The following ITPR1 variants were observed in gnomAD, a reference collection of about 807,000 sequenced individuals.
ITPR1 encodes inositol 1,4,5-trisphosphate receptor type 1, also known as inositol 1,4,5-trisphosphate-gated calcium channel ITPR1.
In ITPR1, 96 loss-of-function variants were observed where a neutral mutation model predicts 318.4. That is an observed-to-expected ratio of 0.30 (90% CI 0.26 to 0.36). ITPR1 has a LOEUF of 0.36. Ranked by LOEUF, ITPR1 falls within the 10% of genes least tolerant of loss-of-function variation. The pLI, the probability that ITPR1 is intolerant of heterozygous loss-of-function variation, is 1.00. For synonymous variants in ITPR1, 1,312 were observed against 1,289.9 expected, an observed-to-expected ratio of 1.02 and a Z score of -0.37; for missense variants, 2,440 against 3,460.2, an observed-to-expected ratio of 0.71 and a Z score of 7.40.
In ITPR1 at chr3:4,846,344, C is replaced by T; in HGVS notation, c.*119C>T. On this transcript the variant is annotated 3_prime_UTR_variant, in exon 62 of 62. Transcript: ENST00000649015. ...TATGCTGAATACATTTGTAAATACT[C>T]AGTTTTATACTGTATGTATATGATT... 1 of 613,144 alleles carries T rather than the reference C, an allele frequency of 1.6e-6. No individual in the cohort carries two copies. Among genetic ancestry groups the T allele is most frequent in the South Asian group, 2.3e-5 (1 of 43,962 alleles). The allele number at this position is 613,144 out of a possible 1,614,324, so 38.0% of individuals were successfully genotyped here.
chr3:4,566,714 T>G (rs2087321377), intron 4 of ITPR1, among the ~76,000 whole-genome samples: 2 of 152,016 alleles, frequency 1.3e-5, no homozygotes, highest in Non-Finnish European at 2.9e-5. Context: ...GATTCTTTCC[T>G]CCACCTTCCC....
intron 4 of ITPR1, among the ~76,000 whole-genome samples, chr3:4,552,103 ACAAACT>A (rs2085627071): frequency 2.0e-5 from 3 of 152,236 alleles, no homozygotes; most frequent in Admixed American, 1.3e-4. Flanking sequence ...GTGGAAAAAA[ACAAACT>A]CAAAGTGCTT....
At chr3:4,726,590 A>G (rs189949791) in intron 41 of ITPR1, among the ~76,000 whole-genome samples, 19 of 152,324 alleles carry the variant, frequency 1.2e-4, no homozygotes, top group East Asian at 1.2e-3. Flanking sequence ...TGCAGTGTCT[A>G]TGTTTTCTAA....
In ITPR1 at chr3:4,520,382, T is replaced by C. The variant is rs547775656; in HGVS notation, c.93-642T>C. 2.0e-5 allele frequency among the ~76,000 whole-genome samples: 3 copies of C among 152,360 alleles called. No individual in the cohort carries two copies. In the South Asian group the frequency reaches 6.2e-4, roughly 32 times the overall value. ...TTGTACTTTCCCCACTAGTTGCTTT[T>C]GATGCTCCACAGTCCTTTCATATCT... On this transcript the variant is annotated intron_variant, in intron 3 of 61. Transcript: ENST00000649015.
intron 3 of ITPR1, among the ~76,000 whole-genome samples, chr3:4,518,036 G>T (rs1431807487): frequency 6.6e-6 from 1 of 152,176 alleles, no homozygotes; most frequent in Non-Finnish European, 1.5e-5. Flanking sequence ...CTTCAGAGAG[G>T]CAAAGTCACT....
chr3:4,805,551 G>A (rs1044075471), intron 54 of ITPR1, among the ~76,000 whole-genome samples: 1 of 152,088 alleles, frequency 6.6e-6, no homozygotes, highest in Non-Finnish European at 1.5e-5. Context: ...GAGAGGGCAG[G>A]GGAATAGAAC....
chr3:4,768,306 A>G, intron 45 of ITPR1: 7 of 534,306 alleles, frequency 1.3e-5, no homozygotes, highest in Non-Finnish European at 2.0e-5. Context: ...GTGAAATGGT[A>G]GATCCACAAG....
At chr3:4,841,798 A>G (rs1156812802) in intron 61 of ITPR1, among the ~76,000 whole-genome samples, 1 of 152,196 alleles carries the variant, frequency 6.6e-6, no homozygotes, top group Non-Finnish European at 1.5e-5. Context: ...AGAGAAACAG[A>G]GCATTTGAGA....
At position 4,616,376 on chromosome 3, in the gene ITPR1, A is replaced by T. The variant is rs562464611; in HGVS notation, c.164-11387A>T. Among the ~76,000 whole-genome samples, 8 of 152,306 alleles carry T rather than the reference A, an allele frequency of 5.3e-5. No individual in the cohort carries two copies. The South Asian group carries it at 1.2e-3, about 24-fold the overall frequency. On this transcript the variant is annotated intron_variant, in intron 4 of 61. Transcript: ENST00000649015. ...TATTTTATATTCCCCTCTCATTACT[A>T]CTTTTAAATCTTAACCCCCTTGGTG...
intron 46 of ITPR1, among the ~76,000 whole-genome samples, chr3:4,773,091 C>T (rs375041360): frequency 3.9e-5 from 6 of 152,354 alleles, no homozygotes; most frequent in East Asian, 3.9e-4. Flanking sequence ...GTGAGTTGAT[C>T]GGTCCCTCTG....
intron 32 of ITPR1, among the ~76,000 whole-genome samples, chr3:4,693,149 A>G (rs570979770): frequency 6.6e-6 from 1 of 152,332 alleles, no homozygotes; most frequent in African/African-American, 2.4e-5. Context: ...AGATGGAAAC[A>G]TTTAAAAAGA....
intron 4 of ITPR1, among the ~76,000 whole-genome samples, chr3:4,543,648 G>A (rs1409448992): frequency 6.6e-6 from 1 of 152,032 alleles, no homozygotes; most frequent in Non-Finnish European, 1.5e-5. Flanking sequence ...TCACCCTGTT[G>A]GCCAGGCTGG....
At chr3:4,785,822 A>G (rs2047160350) in intron 51 of ITPR1, among the ~76,000 whole-genome samples, 1 of 152,206 alleles carries the variant, frequency 6.6e-6, no homozygotes, top group African/African-American at 2.4e-5. Context: ...CTGACTCCAG[A>G]TTCTAAAACT....
At chr3:4,819,846 C>A (rs1376333674) in intron 60 of ITPR1, among the ~76,000 whole-genome samples, 1 of 152,172 alleles carries the variant, frequency 6.6e-6, no homozygotes, top group Non-Finnish European at 1.5e-5. Context: ...GAGAAAAAGA[C>A]ACAAGTTGCA....
intron 42 of ITPR1, among the ~76,000 whole-genome samples, chr3:4,730,371 A>ATGTGTGTGTG (rs369249391): frequency 7.0e-5 from 4 of 57,312 alleles, no homozygotes; most frequent in African/African-American, 1.7e-4. Flanking sequence ...GTTGGGTGGA[A>ATGTGTGTGTG]TGTGTGTGTG....
chr3:4,795,043 G>C, intron 52 of ITPR1, 22 bp from the exon 53 acceptor site: 6 of 1,586,606 alleles, frequency 3.8e-6, no homozygotes, highest in Non-Finnish European at 5.2e-6. Flanking sequence ...AGCCTCACGC[G>C]GCTTTGCCTT....
chr3:4,569,768 G>A (rs2101696), intron 4 of ITPR1, among the ~76,000 whole-genome samples: 7,970 of 152,240 alleles, frequency 0.052, 783 homozygotes, highest in East Asian at 0.39. Context: ...GAGTTGCATA[G>A]TTTTAGAAAT....
At chr3:4,561,627 T>C (rs2086685125) in intron 4 of ITPR1, among the ~76,000 whole-genome samples, 1 of 152,130 alleles carries the variant, frequency 6.6e-6, no homozygotes, top group South Asian at 2.1e-4. Context: ...TTAACTCAGA[T>C]TTTTGGATCT....
intron 39 of ITPR1, among the ~76,000 whole-genome samples, chr3:4,714,011 A>G (rs1234943239): frequency 6.6e-6 from 1 of 152,162 alleles, no homozygotes; most frequent in Non-Finnish European, 1.5e-5. Flanking sequence ...CATTCCTATT[A>G]ATTGAGCTTC....
Sources: allele counts gnomAD v4.1 joint callset (sites outside exome capture counted in the v4.1 genomes callset), GRCh38; gene constraint gnomAD v4.1.1; transcripts MANE v1.5; gene names NCBI Gene and HGNC (gene_info 2026-07-23, HGNC 2026-07-21).